ZSWIM2: variants seen among roughly 807,000 people sequenced by gnomAD.
ZSWIM2 encodes E3 ubiquitin-protein ligase ZSWIM2.
In ZSWIM2, 38 loss-of-function variants were observed where a neutral mutation model predicts 48.4. The ratio of observed to expected loss-of-function variants is 0.79; its 90% CI spans 0.61 to 1.03. The LOEUF is 1.03. Ranked by LOEUF, ZSWIM2 falls within the 50% of genes least tolerant of loss-of-function variation. The pLI is 0.00. For missense variants in ZSWIM2, 776 were observed against 730.2 expected (o/e 1.06, Z -0.72); for synonymous variants, 240 against 251.3 (o/e 0.96, Z 0.42).
intron 4 of ZSWIM2, among the ~76,000 whole-genome samples, chr2:186,838,571 T>A (rs2105819551): frequency 6.7e-6 from 1 of 150,294 alleles, no homozygotes; most frequent in Non-Finnish European, 1.5e-5. Flanking sequence ...GAGGAATAAT[T>A]GTGGAATTAT....
chr2:186,834,030 C>T lies in ZSWIM2; in HGVS notation c.744G>A (p.Lys248=). Residue 248 remains lysine, a splice_region_variant and synonymous_variant, in exon 6 of 9, where the codon AAG becomes AAA. Coordinates refer to ENST00000295131, the MANE Select transcript of ZSWIM2 (RefSeq NM_182521.3). ...KQFPIEGKCY[K]CTECIEYHLC... is the part of the protein sequence containing the mutation. ...AGTGATATTCTATGCATTCGGTACACCTAAAAATACAAAACATCAAAACAC... is the reference window on the plus strand; with the variant it reads ...AGTGATATTCTATGCATTCGGTACATCTAAAAATACAAAACATCAAAACAC... The T allele has an allele frequency of 6.2e-7, 1 of 1,603,264 alleles. No individual in the cohort carries two copies. Among genetic ancestry groups the T allele is most frequent in the South Asian group, 1.1e-5 (1 of 89,926 alleles).
At chr2:186,842,993 C>CTT (rs79580262) in intron 3 of ZSWIM2, among the ~76,000 whole-genome samples, 22,056 of 151,102 alleles carry the variant, frequency 0.15, 2,506 homozygotes, top group African/African-American at 0.33. Context: ...ATTTTGAAGA[C>CTT]AGTATAAAAA....
chr2:186,829,952 T>G, intron 7 of ZSWIM2, 72 bp from the exon 8 acceptor site: 1 of 1,478,922 alleles, frequency 6.8e-7, no homozygotes, highest in Non-Finnish European at 9.3e-7. Flanking sequence ...ATAGCACAGG[T>G]AAATAGTCTC....
Position 186,833,959 on chromosome 2 carries a change from A to G in ZSWIM2, c.815T>C (p.Phe272Ser), listed in dbSNP as rs1288735596. Residue 272 changes from phenylalanine to serine, a missense_variant, in exon 6 of 9, where the codon TTT (phenylalanine) becomes TCT (serine). By Grantham distance (155) the Phe-to-Ser change is radical. Coordinates refer to ENST00000295131, the MANE Select transcript of ZSWIM2 (RefSeq NM_182521.3). ...TGGATACTGTACCTCACGAAATGTA[A>G]ACGTGTGGGAAAGATGGCAGCAGCT... ...FDSCCHLSHT[F>S]TFREKRNQKW... 6.2e-7 allele frequency: 1 copy of G among 1,612,710 alleles called. No homozygotes were observed. The highest frequency in any genetic ancestry group is 8.5e-7 in the Non-Finnish European group (1 of 1,179,170).
chr2:186,833,271 T>C, intron 6 of ZSWIM2, 39 bp from the exon 7 acceptor site: 1 of 1,005,974 alleles, frequency 9.9e-7, no homozygotes, highest in Non-Finnish European at 1.4e-6. Flanking sequence ...TGCAAAGTCG[T>C]GGATATTTTC....
chr2:186,830,345 G>A (rs1025556309), intron 7 of ZSWIM2, among the ~76,000 whole-genome samples: 3 of 152,154 alleles, frequency 2.0e-5, no homozygotes, highest in African/African-American at 7.2e-5. Context: ...TCACGGCACT[G>A]TACTTCAGCC....
intron 3 of ZSWIM2, among the ~76,000 whole-genome samples, chr2:186,840,605 G>C (rs901825885): frequency 5.3e-5 from 8 of 151,390 alleles, no homozygotes; most frequent in Non-Finnish European, 1.0e-4. Context: ...TGGCAATATG[G>C]AGAAAATTAA....
chr2:186,828,095 A>T lies in ZSWIM2; in HGVS notation c.1791T>A (p.Cys597Ter). The change falls in exon 9 of 9, where the codon TGT becomes TGA. Residue 597 changes from cysteine to a stop codon, truncating the protein, a stop_gained. Coordinates refer to ENST00000295131, the MANE Select transcript of ZSWIM2 (RefSeq NM_182521.3). LOFTEE classifies it low-confidence loss of function (END_TRUNC). ...TACATTTTCGTGTAATTTCCCCCAT[A>T]CAGTTACTATACCTTTTAGACAAAC... ...KLSLSKRYSN[C>*]MGEITRKCSH... 2 of 1,613,466 alleles carry T rather than the reference A, an allele frequency of 1.2e-6. No homozygotes were observed. Among genetic ancestry groups the T allele is most frequent in the Non-Finnish European group, 1.7e-6 (2 of 1,179,684 alleles).
Position 186,848,958 on chromosome 2 carries a change from G to A in ZSWIM2, c.165+8C>T. The A allele has an allele frequency of 6.2e-7, 1 of 1,613,986 alleles. No individual in the cohort carries two copies. The highest frequency in any genetic ancestry group is 2.2e-5 in the East Asian group (1 of 44,870). ...TGGCCAACTGGGGGCGGTAGGGGCG[G>A]TAGTTACTCGGAAATCCATGTATTC... On this transcript the variant is annotated splice_region_variant and intron_variant, in intron 1 of 8. Transcript: ENST00000295131.
At chr2:186,845,460 T>C (rs564789875) in intron 2 of ZSWIM2, among the ~76,000 whole-genome samples, 6 of 151,526 alleles carry the variant, frequency 4.0e-5, no homozygotes, top group Non-Finnish European at 5.9e-5. Context: ...TTTATCTTTA[T>C]GTCAACTAGA....
chr2:186,848,317 A>G (rs887700414), intron 1 of ZSWIM2, among the ~76,000 whole-genome samples: 5 of 152,240 alleles, frequency 3.3e-5, no homozygotes, highest in Non-Finnish European at 7.3e-5. Flanking sequence ...AGTAAATTGC[A>G]TTCAATTCTT....
In ZSWIM2 at chr2:186,829,735, T is replaced by C. The variant is rs1449729699; in HGVS notation, c.1087A>G (p.Thr363Ala). Residue 363 changes from threonine to alanine, a missense_variant, in exon 8 of 9, where the codon ACT (threonine) becomes GCT (alanine). Transcript: ENST00000295131. Reference protein sequence around the residue: ...LGQHTRLLPCTHKFHRKCIDN... With the variant: ...LGQHTRLLPCAHKFHRKCIDN... ...AATGATGTGACTTTTACCTTGTGAG[T>C]ACATGGTAGCAATCTTGTATGTTGA... 8.1e-6 allele frequency: 13 copies of C among 1,611,512 alleles called. No homozygotes were observed. The highest frequency in any genetic ancestry group is 1.0e-5 in the Non-Finnish European group (12 of 1,179,224).
At chr2:186,829,679 A>C in intron 8 of ZSWIM2, 48 bp downstream of exon 8, 1 of 1,581,258 alleles carries the variant, frequency 6.3e-7, no homozygotes, top group Non-Finnish European at 8.6e-7. Context: ...TTCATTTGTG[A>C]AAACTGACCC....
intron 3 of ZSWIM2, among the ~76,000 whole-genome samples, chr2:186,843,086 A>G (rs1691934387): frequency 6.6e-6 from 1 of 151,704 alleles, no homozygotes; most frequent in African/African-American, 2.4e-5. Context: ...TAAAATACAT[A>G]TTAAAGTTAC....
intron 7 of ZSWIM2, among the ~76,000 whole-genome samples, chr2:186,832,454 A>G (rs1559112141): frequency 6.6e-6 from 1 of 152,054 alleles, no homozygotes; most frequent in Non-Finnish European, 1.5e-5. Flanking sequence ...GACTATTGCA[A>G]AAGGTCTGGA....
At chr2:186,838,163 C>T (rs1691831808) in intron 4 of ZSWIM2, among the ~76,000 whole-genome samples, 3 of 151,056 alleles carry the variant, frequency 2.0e-5, no homozygotes, top group Admixed American at 1.3e-4. Flanking sequence ...TCAAGTCCAA[C>T]TTTATAGTGC....
chr2:186,847,679 T>C (rs1288236632), intron 2 of ZSWIM2, 40 bp downstream of exon 2: 1 of 1,465,536 alleles, frequency 6.8e-7, no homozygotes, highest in Non-Finnish European at 9.4e-7. Flanking sequence ...CACACCAAGA[T>C]GTTCCTTCAT....
chr2:186,839,718 A>G (rs1574140978), intron 3 of ZSWIM2, among the ~76,000 whole-genome samples: 3 of 151,824 alleles, frequency 2.0e-5, no homozygotes, highest in Admixed American at 2.0e-4. Flanking sequence ...AGATTTGGTC[A>G]GTGTTTCTCA....
rs1275232360 is a variant in ZSWIM2 at position 186,839,090 on chromosome 2, T to A, written c.363A>T (p.Pro121=). The A allele has an allele frequency of 1.1e-5, 18 of 1,611,956 alleles. No homozygotes were observed. Among genetic ancestry groups the A allele is most frequent in the Non-Finnish European group, 1.4e-5 (17 of 1,178,552 alleles). The change falls in exon 4 of 9, where the codon CCA becomes CCT. Residue 121 remains proline (P), a synonymous_variant. Transcript: ENST00000295131. ...CATGTTCATTTTCGTCATTTGTTCCTGGTTGGGGAGTTTGAACTCGATGTA... is the reference window on the plus strand; with the variant it reads ...CATGTTCATTTTCGTCATTTGTTCCAGGTTGGGGAGTTTGAACTCGATGTA... ...RGIHRVQTPQ[P]GTNDENEHVE...
Sources: gnomAD v4.1 joint callset for allele counts (sites outside exome capture counted in the v4.1 genomes callset) on GRCh38, gnomAD v4.1.1 for gene constraint, MANE v1.5 for transcripts, NCBI Gene and HGNC (gene_info 2026-07-23, HGNC 2026-07-21) for gene names.